Variants in ASTN2 observed in about 807,000 individuals in gnomAD.
The protein encoded by ASTN2 is astrotactin 2.
In ASTN2, 54 loss-of-function variants were observed where a neutral mutation model predicts 139.8. The ratio of observed to expected loss-of-function variants is 0.39; its 90% CI spans 0.31 to 0.48. The LOEUF (loss-of-function observed/expected upper bound fraction) is 0.48, where lower values mean the gene tolerates loss of function less well. Ranked by LOEUF, ASTN2 falls within the 20% of genes least tolerant of loss-of-function variation. The probability of loss-of-function intolerance (pLI) is 0.95; values close to 1 mark genes in which losing one functional copy is unlikely to be tolerated. For missense variants in ASTN2, 1,565 were observed against 1,725.1 expected (o/e 0.91, Z 1.64); for synonymous variants, 756 against 719.5 (o/e 1.05, Z -0.81).
intron 19 of ASTN2, among the ~76,000 whole-genome samples, chr9:116,576,386 T>C (rs1451322685): frequency 2.0e-5 from 3 of 152,176 alleles, no homozygotes. Flanking sequence ...TGGTAAGCAG[T>C]AGCTGGAATT....
chr9:116,992,624 T>C (rs1174005606), intron 7 of ASTN2, among the ~76,000 whole-genome samples: 1 of 152,172 alleles, frequency 6.6e-6, no homozygotes, highest in Non-Finnish European at 1.5e-5. Context: ...CCTGCTTCAG[T>C]GTTTCTCTTC....
chr9:116,452,617 T>C (rs1381428752), intron 20 of ASTN2, among the ~76,000 whole-genome samples: 1 of 152,246 alleles, frequency 6.6e-6, no homozygotes, highest in African/African-American at 2.4e-5. Flanking sequence ...TATTATTAAA[T>C]CCATTTTACA....
At chr9:117,052,346 A>T (rs1029319718) in intron 5 of ASTN2, among the ~76,000 whole-genome samples, 3 of 149,806 alleles carry the variant, frequency 2.0e-5, no homozygotes, top group African/African-American at 7.4e-5. Flanking sequence ...AGCCTGAGGC[A>T]GGAGAATGGT....
Position 116,618,480 on chromosome 9 carries a change from G to C in ASTN2, c.3207-8C>G. On this transcript the variant is annotated splice_polypyrimidine_tract_variant and splice_region_variant and intron_variant, in intron 18 of 22. Transcript: ENST00000313400. ...GTTGGGGACAGCCGCAGCCTACAGG[G>C]AATAAAAAGGAAGATTCGTGTTTGG... 1 of 1,594,870 alleles carries C rather than the reference G, an allele frequency of 6.3e-7. No homozygotes were observed. Among genetic ancestry groups the C allele is most frequent in the Non-Finnish European group, 8.5e-7 (1 of 1,173,214 alleles).
At chr9:116,745,654 A>G (rs1429872341) in intron 13 of ASTN2, among the ~76,000 whole-genome samples, 1 of 152,184 alleles carries the variant, frequency 6.6e-6, no homozygotes. Context: ...GTATAGACAC[A>G]GTCCCTAATA....
At chr9:117,060,409 A>AG (rs1564406453) in intron 5 of ASTN2, among the ~76,000 whole-genome samples, 10 of 36,670 alleles carry the variant, frequency 2.7e-4, no homozygotes, top group African/African-American at 1.1e-3. Flanking sequence ...AAAGAAAGAA[A>AG]GAAGGAAAGG....
chr9:116,557,419 T>C (rs1484018111), intron 19 of ASTN2, among the ~76,000 whole-genome samples: 1 of 152,116 alleles, frequency 6.6e-6, no homozygotes, highest in African/African-American at 2.4e-5. Context: ...ATTCTTGAGT[T>C]AAATGAAAGT....
intron 13 of ASTN2, among the ~76,000 whole-genome samples, chr9:116,790,645 C>T (rs545443492): frequency 4.2e-4 from 63 of 151,618 alleles, no homozygotes; most frequent in African/African-American, 1.4e-3. Context: ...AGAATAGGGA[C>T]GTCAACTGTC....
At chr9:117,105,012 C>T (rs1181988866) in intron 4 of ASTN2, among the ~76,000 whole-genome samples, 2 of 152,066 alleles carry the variant, frequency 1.3e-5, no homozygotes, top group Non-Finnish European at 1.5e-5. Flanking sequence ...AGGGAAGTAA[C>T]GCTTTGTCTT....
Position 116,620,946 on chromosome 9 carries a change from A to G in ASTN2, c.3073-503T>C, listed in dbSNP as rs1197061755. Among the ~76,000 whole-genome samples, 6 of 152,178 alleles carry G rather than the reference A, an allele frequency of 3.9e-5. No individual in the cohort carries two copies. The South Asian group carries it at 6.2e-4, about 16-fold the overall frequency. On this transcript the variant is annotated intron_variant, in intron 17 of 22. Coordinates refer to ENST00000313400, the MANE Select transcript of ASTN2 (RefSeq NM_001365068.1). ...GTCTGACCATCTCATTGCCCAGCTT[A>G]AAAACCTTCAAAGGTTTCCCATAGT... is the stretch of plus-strand genomic sequence containing the variant.
intron 5 of ASTN2, among the ~76,000 whole-genome samples, chr9:117,040,827 T>C (rs1056240085): frequency 1.3e-5 from 2 of 152,236 alleles, no homozygotes; most frequent in African/African-American, 4.8e-5. Flanking sequence ...GCATGATTTG[T>C]ATATCATGCC....
intron 14 of ASTN2, among the ~76,000 whole-genome samples, chr9:116,732,919 C>A (rs894502868): frequency 1.3e-5 from 2 of 152,162 alleles, no homozygotes; most frequent in East Asian, 3.8e-4. Context: ...AATACCCACC[C>A]CACAGATGGC....
At chr9:116,629,399 G>T (rs757616144) in intron 17 of ASTN2, among the ~76,000 whole-genome samples, 11 of 152,098 alleles carry the variant, frequency 7.2e-5, no homozygotes, top group Non-Finnish European at 1.2e-4. Context: ...TTACAGGCGT[G>T]AGCCACCGCG....
At chr9:116,687,267 G>A (rs1447127213) in intron 16 of ASTN2, 18 of 992,650 alleles carry the variant, frequency 1.8e-5, no homozygotes, top group African/African-American at 1.7e-5. Flanking sequence ...GCTCAGTGAC[G>A]GACAGGGAGC....
chr9:116,432,324 G>A (rs757590263), intron 22 of ASTN2, among the ~76,000 whole-genome samples: 26 of 152,302 alleles, frequency 1.7e-4, no homozygotes, highest in South Asian at 6.2e-4. Flanking sequence ...TATCTGTGGA[G>A]ATCCATATCA....
At chr9:116,976,090 G>T (rs775500108) in intron 9 of ASTN2, 24 bp downstream of exon 9, 2 of 1,608,332 alleles carry the variant, frequency 1.2e-6, no homozygotes, top group Non-Finnish European at 8.5e-7. Context: ...CCAGAATTAT[G>T]CCCCAACAAG....
intron 6 of ASTN2, among the ~76,000 whole-genome samples, chr9:117,008,562 C>T (rs990892827): frequency 6.6e-6 from 1 of 152,148 alleles, no homozygotes; most frequent in Non-Finnish European, 1.5e-5. Context: ...CAAAGTGCCC[C>T]TGGGTCTTGG....
chr9:116,670,281 G>A lies in ASTN2; in HGVS notation c.2807-18488C>T, dbSNP rs548940771. On this transcript the variant is annotated intron_variant, in intron 16 of 22. Transcript: ENST00000313400. ...AGAACATGGTAAGGAATCAATAAAC[G>A]CTAGTAATCACCATGATGATGATAT... Among the ~76,000 whole-genome samples the A allele has an allele frequency of 1.2e-4, 18 of 152,254 alleles. No individual in the cohort carries two copies. The South Asian group carries it at 3.1e-3, about 26-fold the overall frequency.
At chr9:117,387,763 C>T (rs1830436412) in intron 1 of ASTN2, among the ~76,000 whole-genome samples, 1 of 152,146 alleles carries the variant, frequency 6.6e-6, no homozygotes, top group African/African-American at 2.4e-5. Context: ...GGAGTCCTGA[C>T]TTCTGGACGT....
Sources: gnomAD v4.1 joint callset for allele counts (sites outside exome capture counted in the v4.1 genomes callset) on GRCh38, gnomAD v4.1.1 for gene constraint, MANE v1.5 for transcripts, NCBI Gene and HGNC (gene_info 2026-07-23, HGNC 2026-07-21) for gene names.